FNDC3B: variants seen among roughly 807,000 people sequenced by gnomAD.
FNDC3B encodes fibronectin type III domain containing 3B, also known as fibronectin type III domain-containing protein 3B.
In FNDC3B, 12 loss-of-function variants were observed where a neutral mutation model predicts 151.5. That is an observed-to-expected ratio of 0.08 (90% CI 0.05 to 0.13). The LOEUF (loss-of-function observed/expected upper bound fraction) is 0.13, where lower values mean the gene tolerates loss of function less well. Ranked by LOEUF, FNDC3B falls within the 10% of genes least tolerant of loss-of-function variation. The probability of loss-of-function intolerance (pLI) is 1.00; values close to 1 mark genes in which losing one functional copy is unlikely to be tolerated. For missense variants in FNDC3B, 1,214 were observed against 1,505.3 expected, an observed-to-expected ratio of 0.81 and a Z score of 3.20; for synonymous variants, 528 against 549.0, an observed-to-expected ratio of 0.96 and a Z score of 0.54.
intron 3 of FNDC3B, among the ~76,000 whole-genome samples, chr3:172,142,010 A>G (rs1009076500): frequency 6.6e-6 from 1 of 152,220 alleles, no homozygotes; most frequent in Non-Finnish European, 1.5e-5. Flanking sequence ...CATTAGATGT[A>G]TATTGTAAAA....
chr3:172,055,837 G>C (rs556514538), intron 1 of FNDC3B, among the ~76,000 whole-genome samples: 6 of 151,998 alleles, frequency 3.9e-5, no homozygotes, highest in Non-Finnish European at 5.9e-5. Context: ...CTGGAGTGCA[G>C]TGGTGCGATC....
intron 1 of FNDC3B, among the ~76,000 whole-genome samples, chr3:172,080,443 A>AATTTT (rs5854458): frequency 6.7e-6 from 1 of 149,246 alleles, no homozygotes; most frequent in African/African-American, 2.5e-5. Context: ...GCTAATTTAA[A>AATTTT]TTTTTTTTTT....
intron 3 of FNDC3B, among the ~76,000 whole-genome samples, chr3:172,182,951 A>G (rs1462042751): frequency 6.6e-6 from 1 of 152,240 alleles, no homozygotes; most frequent in Non-Finnish European, 1.5e-5. Context: ...AATTACGGAA[A>G]GCTGATTGTG....
chr3:172,068,420 A>AG (rs1173406489), intron 1 of FNDC3B, among the ~76,000 whole-genome samples: 1 of 125,246 alleles, frequency 8.0e-6, no homozygotes, highest in Non-Finnish European at 1.6e-5. Context: ...CTTTGTGAGG[A>AG]GCCTTTTTTT....
intron 6 of FNDC3B, among the ~76,000 whole-genome samples, chr3:172,275,372 C>G (rs1729384706): frequency 6.6e-6 from 1 of 152,112 alleles, no homozygotes; most frequent in Non-Finnish European, 1.5e-5. Flanking sequence ...ACAAGGGCAG[C>G]TCATTTGGAC....
At chr3:172,208,801 C>G (rs2108706245) in intron 3 of FNDC3B, among the ~76,000 whole-genome samples, 1 of 152,212 alleles carries the variant, frequency 6.6e-6, no homozygotes, top group East Asian at 1.9e-4. Flanking sequence ...CGAGGGGTGT[C>G]TAAATGATTG....
At chr3:172,320,206 C>G (rs1439118571) in intron 11 of FNDC3B, among the ~76,000 whole-genome samples, 1 of 151,918 alleles carries the variant, frequency 6.6e-6, no homozygotes, top group Non-Finnish European at 1.5e-5. Context: ...ATGGTGAAAC[C>G]CTGTCTCTAC....
At chr3:172,148,258 A>C (rs964846076) in intron 3 of FNDC3B, among the ~76,000 whole-genome samples, 10 of 152,166 alleles carry the variant, frequency 6.6e-5, no homozygotes, top group Admixed American at 2.0e-4. Context: ...AAACTTATAA[A>C]AAATATGAAA....
chr3:172,383,728 G>A (rs1735566934), intron 25 of FNDC3B, among the ~76,000 whole-genome samples: 1 of 152,158 alleles, frequency 6.6e-6, no homozygotes, highest in Non-Finnish European at 1.5e-5. Flanking sequence ...TTGGAATATA[G>A]CCAGATAAGA....
At position 172,083,841 on chromosome 3, in the gene FNDC3B, A is replaced by G. The variant is rs551028597; in HGVS notation, c.-28-28611A>G. ...ATCTTGTTTCTACACTGTTAAATCT[A>G]TTAATCTTTTTGTGAAATGAAAGTA... On this transcript the variant is annotated intron_variant, in intron 1 of 25. Coordinates refer to ENST00000415807, the MANE Select transcript of FNDC3B (RefSeq NM_022763.4). Among the ~76,000 whole-genome samples, 7 of 152,354 alleles carry G rather than the reference A, an allele frequency of 4.6e-5. No homozygotes were observed. The Middle Eastern group carries it at 0.014, about 296-fold the overall frequency.
At chr3:172,273,831 A>G (rs1461855749) in intron 6 of FNDC3B, among the ~76,000 whole-genome samples, 1 of 152,224 alleles carries the variant, frequency 6.6e-6, no homozygotes, top group Non-Finnish European at 1.5e-5. Flanking sequence ...TAAGTTGAGC[A>G]GCCCGGATAC....
In FNDC3B at chr3:172,133,468, C is replaced by T; in HGVS notation, c.112-3C>T. 1 of 1,610,354 alleles carries T rather than the reference C, an allele frequency of 6.2e-7. No homozygotes were observed. Among genetic ancestry groups the T allele is most frequent in the Non-Finnish European group, 8.5e-7 (1 of 1,177,224 alleles). ...AACTGAAATTAATGTGTTGTTTTGGCAGGTTATTCTCGTTCAAGTTAATCC... is the reference window on the plus strand; with the variant it reads ...AACTGAAATTAATGTGTTGTTTTGGTAGGTTATTCTCGTTCAAGTTAATCC... On this transcript the variant is annotated splice_polypyrimidine_tract_variant and splice_region_variant and intron_variant, in intron 2 of 25. Transcript: ENST00000415807.
intron 1 of FNDC3B, among the ~76,000 whole-genome samples, chr3:172,082,549 GC>G (rs1718336821): frequency 6.6e-6 from 1 of 152,072 alleles, no homozygotes; most frequent in Non-Finnish European, 1.5e-5. Context: ...TCATTCTCCA[GC>G]CGTTCAGCAG....
At chr3:172,297,489 T>G (rs1408920716) in intron 8 of FNDC3B, among the ~76,000 whole-genome samples, 1 of 152,200 alleles carries the variant, frequency 6.6e-6, no homozygotes, top group Non-Finnish European at 1.5e-5. Context: ...AGTGTTTTTT[T>G]TTTGAGACAG....
intron 3 of FNDC3B, among the ~76,000 whole-genome samples, chr3:172,198,444 A>G (rs1188115387): frequency 3.9e-5 from 6 of 152,368 alleles, no homozygotes; most frequent in Admixed American, 2.0e-4. Context: ...TTTGATATCA[A>G]GGAGTTTACA....
At chr3:172,089,923 A>G (rs1312872549) in intron 1 of FNDC3B, among the ~76,000 whole-genome samples, 4 of 152,164 alleles carry the variant, frequency 2.6e-5, no homozygotes, top group Non-Finnish European at 5.9e-5. Flanking sequence ...AATGACAAAT[A>G]TGATTTCGAC....
rs181329314 is a variant in FNDC3B, at chr3:172,195,054, A to G, written c.188-31817A>G. Among the ~76,000 whole-genome samples the G allele has an allele frequency of 1.1e-3, 172 of 152,334 alleles. 3 individuals are homozygous for G. In the East Asian group the frequency reaches 0.022, roughly 20 times the overall value. Reference sequence around the variant, plus strand: ...TAAATCTAAGTCTGTAAAAACTGAAAGAAAACAAAGTCTAAATTATTTTCA... The same window carrying G: ...TAAATCTAAGTCTGTAAAAACTGAAGGAAAACAAAGTCTAAATTATTTTCA... On this transcript the variant is annotated intron_variant, in intron 3 of 25. Coordinates refer to ENST00000415807, the MANE Select transcript of FNDC3B (RefSeq NM_022763.4).
intron 6 of FNDC3B, among the ~76,000 whole-genome samples, chr3:172,260,975 A>G (rs1421341770): frequency 6.6e-6 from 1 of 152,218 alleles, no homozygotes; most frequent in East Asian, 1.9e-4. Context: ...CGATGGGCAA[A>G]CAACAACTTC....
At chr3:172,387,284 G>A (rs1404558328) in intron 25 of FNDC3B, among the ~76,000 whole-genome samples, 1 of 152,114 alleles carries the variant, frequency 6.6e-6, no homozygotes, top group East Asian at 1.9e-4. Context: ...TTTTAGTGGA[G>A]ATAGGTTTTC....
Sources: allele counts gnomAD v4.1 joint callset (sites outside exome capture counted in the v4.1 genomes callset), GRCh38; gene constraint gnomAD v4.1.1; transcripts MANE v1.5; gene names NCBI Gene and HGNC (gene_info 2026-07-23, HGNC 2026-07-21).